Variants in SLC30A8 observed in about 807,000 individuals in gnomAD.
The protein encoded by SLC30A8 is proton-coupled zinc antiporter SLC30A8.
A neutral mutation model predicts 36.9 loss-of-function variants in SLC30A8; 27 were observed. The ratio of observed to expected loss-of-function variants is 0.73; its 90% CI spans 0.54 to 1.01. The LOEUF is 1.01. Among genes scored for constraint, SLC30A8 ranks in the 50% least tolerant of loss-of-function variants. SLC30A8 has a pLI of 0.00. For synonymous variants in SLC30A8, 164 were observed against 172.4 expected, an observed-to-expected ratio of 0.95 and a Z score of 0.38; for missense variants, 439 against 452.0, an observed-to-expected ratio of 0.97 and a Z score of 0.26.
chr8:116,998,427 A>G (rs1815893594), intron 1 of SLC30A8, among the ~76,000 whole-genome samples: 1 of 152,204 alleles, frequency 6.6e-6, no homozygotes, highest in Admixed American at 6.5e-5. Context: ...CCTGAGTCAA[A>G]GTACCAAGAA....
intron 1 of SLC30A8, among the ~76,000 whole-genome samples, chr8:116,988,147 C>A (rs549740898): frequency 5.9e-5 from 9 of 152,162 alleles, no homozygotes; most frequent in Non-Finnish European, 1.2e-4. Flanking sequence ...TGTGCTCATT[C>A]TTCTTCTGAT....
intron 1 of SLC30A8, among the ~76,000 whole-genome samples, chr8:117,034,618 T>G (rs190790023): frequency 1.9e-4 from 29 of 152,348 alleles, no homozygotes; most frequent in Non-Finnish European, 3.5e-4. Flanking sequence ...GTGTTCTAAC[T>G]TCAGATTCCA....
intron 2 of SLC30A8, among the ~76,000 whole-genome samples, chr8:117,087,914 G>A (rs1449458132): frequency 6.6e-6 from 1 of 152,102 alleles, no homozygotes; most frequent in Non-Finnish European, 1.5e-5. Flanking sequence ...ACCCTGAAGG[G>A]GAGATGGGGA....
intron 1 of SLC30A8, among the ~76,000 whole-genome samples, chr8:117,140,451 G>C (rs1821599592): frequency 6.6e-6 from 1 of 151,902 alleles, no homozygotes; most frequent in Admixed American, 6.6e-5. Context: ...GCACATTACA[G>C]TAAAACTATT....
chr8:117,117,235 A>G (rs1433771495), intron 2 of SLC30A8, among the ~76,000 whole-genome samples: 1 of 151,988 alleles, frequency 6.6e-6, no homozygotes, highest in Non-Finnish European at 1.5e-5. Flanking sequence ...GCACTTATTT[A>G]TATTAACTTA....
intron 1 of SLC30A8, among the ~76,000 whole-genome samples, chr8:117,031,583 C>T (rs1470978732): frequency 6.6e-6 from 1 of 151,952 alleles, no homozygotes; most frequent in East Asian, 1.9e-4. Context: ...GCCTCAGCCT[C>T]CCGAGTAGCT....
Position 117,016,483 on chromosome 8 carries a change from G to A in SLC30A8, c.-265-22736G>A, listed in dbSNP as rs557650441. Reference sequence around the variant, plus strand: ...GCAGCTATCAACTCCAGGCTGAGGTGCCAAATAAATACATCTCTCTCAAGT... The same window carrying A: ...GCAGCTATCAACTCCAGGCTGAGGTACCAAATAAATACATCTCTCTCAAGT... On this transcript the variant is annotated intron_variant, in intron 1 of 10. Transcript: ENST00000427715. Among the ~76,000 whole-genome samples, 7 of 152,260 alleles carry A rather than the reference G, an allele frequency of 4.6e-5. No homozygotes were observed. In the South Asian group the frequency reaches 1.2e-3, roughly 27 times the overall value.
intron 2 of SLC30A8, among the ~76,000 whole-genome samples, chr8:117,053,100 AGATGAGGTTTCATTGTGTTAGCCAG>A (rs1817760191): frequency 6.6e-6 from 1 of 151,910 alleles, no homozygotes; most frequent in African/African-American, 2.4e-5. Context: ...TTTTTAGTAG[AGATGAGGTTTCATTGTGTTAGCCAG>A]GATGGTCTCG....
intron 3 of SLC30A8, among the ~76,000 whole-genome samples, chr8:117,154,153 C>T (rs944867438): frequency 5.9e-5 from 9 of 152,014 alleles, no homozygotes; most frequent in Admixed American, 1.3e-4. Flanking sequence ...CATAGGTCAA[C>T]GTGTGCCGTC....
chr8:116,989,321 A>C (rs545167407), intron 1 of SLC30A8, among the ~76,000 whole-genome samples: 1 of 152,290 alleles, frequency 6.6e-6, no homozygotes, highest in East Asian at 1.9e-4. Context: ...ATTGCCAATG[A>C]TTTAAGCTAA....
upstream of SLC30A8, among the ~76,000 whole-genome samples, chr8:117,133,439 G>A (rs770589913): frequency 6.6e-5 from 10 of 151,908 alleles, no homozygotes; most frequent in African/African-American, 2.4e-4. Flanking sequence ...CTGTACATCC[G>A]TATTTGTACT....
At chr8:117,007,958 A>C (rs1816234646) in intron 1 of SLC30A8, among the ~76,000 whole-genome samples, 1 of 152,252 alleles carries the variant, frequency 6.6e-6, no homozygotes. Context: ...ACAAAAGAAA[A>C]TGTAAAATGA....
At chr8:117,154,958 T>G (rs1159403798) in intron 3 of SLC30A8, among the ~76,000 whole-genome samples, 1 of 152,168 alleles carries the variant, frequency 6.6e-6, no homozygotes, top group African/African-American at 2.4e-5. Context: ...CTAGTGCTAC[T>G]GAAGAACCAG....
intron 1 of SLC30A8, among the ~76,000 whole-genome samples, chr8:117,028,150 G>C (rs912530391): frequency 1.3e-5 from 2 of 152,118 alleles, no homozygotes; most frequent in Non-Finnish European, 2.9e-5. Flanking sequence ...GAAGAAGGCT[G>C]TTTTAAATGA....
At chr8:117,074,713 C>G (rs1818437253) in intron 2 of SLC30A8, among the ~76,000 whole-genome samples, 1 of 152,188 alleles carries the variant, frequency 6.6e-6, no homozygotes, top group Admixed American at 6.6e-5. Context: ...TGAACCTGCT[C>G]TTTCTACTGT....
At position 117,172,647 on chromosome 8, in the gene SLC30A8, C is replaced by CCGACTG; in HGVS notation, c.1078_1083dup (p.Asp360_Cys361dup). 1 of 1,613,734 alleles carries CCGACTG rather than the reference C, an allele frequency of 6.2e-7. No homozygotes were observed. The highest frequency in any genetic ancestry group is 2.2e-5 in the East Asian group (1 of 44,850). Reference sequence around the variant, plus strand: ...ATGGAATCTCCAGTTGACCAGGACCCCGACTGCCTTTTCTGTGAAGACCCC... The same window carrying CCGACTG: ...ATGGAATCTCCAGTTGACCAGGACCCCGACTGCGACTGCCTTTTCTGTGAAGACCCC... On this transcript the variant is annotated inframe_insertion, in exon 8 of 8. Transcript: ENST00000456015.
intron 2 of SLC30A8, among the ~76,000 whole-genome samples, chr8:117,151,419 T>TGCAA (rs1252826328): frequency 4.6e-5 from 7 of 152,240 alleles, no homozygotes; most frequent in African/African-American, 1.4e-4. Flanking sequence ...CAGAAGCAAA[T>TGCAA]GCAAGATCAG....
intron 1 of SLC30A8, among the ~76,000 whole-genome samples, chr8:116,972,666 A>G (rs1256874501): frequency 2.6e-5 from 4 of 152,226 alleles, no homozygotes; most frequent in Non-Finnish European, 4.4e-5. Flanking sequence ...TAGACTTTTT[A>G]CAATTTGAGA....
intron 1 of SLC30A8, among the ~76,000 whole-genome samples, chr8:116,956,327 A>C (rs1343040065): frequency 6.6e-6 from 1 of 152,218 alleles, no homozygotes; most frequent in Non-Finnish European, 1.5e-5. Flanking sequence ...AGTAACAGTC[A>C]AAATAAGGGG....
Sources: gnomAD v4.1 joint callset for allele counts (sites outside exome capture counted in the v4.1 genomes callset) on GRCh38, gnomAD v4.1.1 for gene constraint, MANE v1.5 for transcripts, NCBI Gene and HGNC (gene_info 2026-07-23, HGNC 2026-07-21) for gene names.